TENM4: variants seen among roughly 807,000 people sequenced by gnomAD.
TENM4 encodes teneurin transmembrane protein 4.
Under a neutral mutation model 243.3 loss-of-function variants are expected in TENM4, and 82 were observed. The observed-to-expected ratio is 0.34, with a 90% CI of 0.28 to 0.40. TENM4 has a LOEUF of 0.40. TENM4 is among the 10% of genes least tolerant of loss of function. The probability of loss-of-function intolerance (pLI) is 1.00; values close to 1 mark genes in which losing one functional copy is unlikely to be tolerated. For missense variants in TENM4, 3,138 were observed against 3,673.3 expected (o/e 0.85, Z 3.77); for synonymous variants, 1,412 against 1,456.3 (o/e 0.97, Z 0.69).
intron 1 of TENM4, among the ~76,000 whole-genome samples, chr11:79,353,684 A>G (rs1420306715): frequency 6.6e-6 from 1 of 152,116 alleles, no homozygotes; most frequent in Admixed American, 6.5e-5. Context: ...ATCCACTGCC[A>G]AGAAAGGCTA....
intron 3 of TENM4, among the ~76,000 whole-genome samples, chr11:79,180,953 A>G (rs1172573830): frequency 6.9e-6 from 1 of 145,522 alleles, no homozygotes; most frequent in Non-Finnish European, 1.6e-5. Flanking sequence ...ATCATTAATA[A>G]TCTTCCAAAA....
At chr11:78,946,806 T>G (rs377658965) in intron 6 of TENM4, among the ~76,000 whole-genome samples, 1 of 152,186 alleles carries the variant, frequency 6.6e-6, no homozygotes, top group South Asian at 2.1e-4. Flanking sequence ...TAACTGCAGG[T>G]GTGTTGGTAG....
intron 4 of TENM4, among the ~76,000 whole-genome samples, chr11:79,124,592 T>G (rs942286373): frequency 6.6e-6 from 1 of 151,236 alleles, no homozygotes; most frequent in Admixed American, 6.6e-5. Context: ...ACCCTTATCA[T>G]ATATATATGT....
chr11:79,325,827 CAGT>C (rs1255659643), intron 1 of TENM4, among the ~76,000 whole-genome samples: 2 of 152,192 alleles, frequency 1.3e-5, no homozygotes, highest in Admixed American at 1.3e-4. Flanking sequence ...TTAACCCCAG[CAGT>C]AGAAGTTACA....
chr11:79,049,653 T>G (rs1591241140), intron 6 of TENM4, among the ~76,000 whole-genome samples: 1 of 152,356 alleles, frequency 6.6e-6, no homozygotes, highest in East Asian at 1.9e-4. Context: ...TAGATTGTAT[T>G]ATGCCTAGAT....
At chr11:79,323,700 A>G (rs573121303) in intron 1 of TENM4, among the ~76,000 whole-genome samples, 64 of 152,318 alleles carry the variant, frequency 4.2e-4, no homozygotes, top group African/African-American at 1.2e-3. Flanking sequence ...ATTTCATCCA[A>G]CTAGGACTTA....
chr11:79,345,254 T>A (rs2135467393), intron 1 of TENM4, among the ~76,000 whole-genome samples: 1 of 152,360 alleles, frequency 6.6e-6, no homozygotes. Context: ...TCTTCTCTAA[T>A]GTCATGGGCT....
intron 6 of TENM4, among the ~76,000 whole-genome samples, chr11:79,023,057 A>C (rs2136813935): frequency 6.6e-6 from 1 of 152,272 alleles, no homozygotes; most frequent in Non-Finnish European, 1.5e-5. Flanking sequence ...TTATTACTCC[A>C]AATCCTGTGC....
At chr11:79,336,623 C>T (rs1429280268) in intron 1 of TENM4, among the ~76,000 whole-genome samples, 3 of 152,130 alleles carry the variant, frequency 2.0e-5, no homozygotes, top group Non-Finnish European at 2.9e-5. Context: ...TCTCTCTAAG[C>T]CTCATTACTT....
At chr11:78,975,033 T>C (rs892472345) in intron 6 of TENM4, among the ~76,000 whole-genome samples, 1 of 151,866 alleles carries the variant, frequency 6.6e-6, no homozygotes, top group Non-Finnish European at 1.5e-5. Context: ...AGGCAACCTC[T>C]CTGTGTGAAG....
chr11:78,859,641 T>A (rs572972188), intron 10 of TENM4, among the ~76,000 whole-genome samples: 2 of 152,244 alleles, frequency 1.3e-5, no homozygotes, highest in South Asian at 4.1e-4. Context: ...CAACTAATGT[T>A]CTTTCTCTCC....
chr11:79,035,670 T>C (rs575877465), intron 6 of TENM4, among the ~76,000 whole-genome samples: 1 of 152,352 alleles, frequency 6.6e-6, no homozygotes, highest in East Asian at 1.9e-4. Flanking sequence ...CTGTGAAGCT[T>C]CCTGGGTTTA....
intron 6 of TENM4, among the ~76,000 whole-genome samples, chr11:78,941,114 G>A (rs910895358): frequency 2.6e-5 from 4 of 152,192 alleles, no homozygotes; most frequent in East Asian, 1.9e-4. Flanking sequence ...ACAGCCTGGC[G>A]GGTGCAAAGA....
intron 6 of TENM4, among the ~76,000 whole-genome samples, chr11:78,919,345 C>A (rs553127260): frequency 1.3e-5 from 2 of 152,194 alleles, no homozygotes; most frequent in South Asian, 4.1e-4. Flanking sequence ...GTGCCATGAT[C>A]ACAGAGGTAG....
At chr11:78,685,536 C>T (rs1858644642) in intron 29 of TENM4, among the ~76,000 whole-genome samples, 1 of 152,114 alleles carries the variant, frequency 6.6e-6, no homozygotes, top group Non-Finnish European at 1.5e-5. Context: ...CCACGTATGC[C>T]TTTTGAGCAG....
intron 3 of TENM4, among the ~76,000 whole-genome samples, chr11:79,183,032 A>G (rs1157091716): frequency 6.6e-6 from 1 of 152,190 alleles, no homozygotes; most frequent in Non-Finnish European, 1.5e-5. Flanking sequence ...TTCTTATTGT[A>G]TGATCCAGCA....
At position 78,657,800 on chromosome 11, in the gene TENM4, A is replaced by G; in HGVS notation, c.*258T>C. The G allele has an allele frequency of 7.0e-6, 4 of 569,354 alleles. No homozygotes were observed. Among genetic ancestry groups the G allele is most frequent in the East Asian group, 3.2e-5 (1 of 31,622 alleles). The allele number at this position is 569,354 out of a possible 1,614,324, so 35.3% of individuals were successfully genotyped here. On this transcript the variant is annotated 3_prime_UTR_variant, in exon 34 of 34. Transcript: ENST00000278550. ...ACAAGGGAAAAATCCTCAAGGAAAAAGGGAACAAAAGACAATAAAGTTTTC... is the reference window on the plus strand; with the variant it reads ...ACAAGGGAAAAATCCTCAAGGAAAAGGGGAACAAAAGACAATAAAGTTTTC...
chr11:78,961,712 A>G (rs903954360), intron 6 of TENM4, among the ~76,000 whole-genome samples: 6 of 151,778 alleles, frequency 4.0e-5, no homozygotes, highest in Non-Finnish European at 7.4e-5. Flanking sequence ...GTCTCTGGGC[A>G]TGGTTGTGAC....
At chr11:78,786,736 C>A (rs1461438604) in intron 16 of TENM4, among the ~76,000 whole-genome samples, 162 bp downstream of exon 16, 1 of 152,232 alleles carries the variant, frequency 6.6e-6, no homozygotes, top group African/African-American at 2.4e-5. Flanking sequence ...AGTTTAAATC[C>A]AACCGATGGC....
Sources: allele counts gnomAD v4.1 joint callset (sites outside exome capture counted in the v4.1 genomes callset), GRCh38; gene constraint gnomAD v4.1.1; transcripts MANE v1.5; gene names NCBI Gene and HGNC (gene_info 2026-07-23, HGNC 2026-07-21).